The following PRR16 variants were observed in gnomAD, a reference collection of about 807,000 sequenced individuals.
The protein encoded by PRR16 is protein Largen.
Under a neutral mutation model 18.2 loss-of-function variants are expected in PRR16, and 6 were observed. The ratio of observed to expected loss-of-function variants is 0.33; its 90% CI spans 0.18 to 0.65. The LOEUF (loss-of-function observed/expected upper bound fraction) is 0.65, where lower values mean the gene tolerates loss of function less well. PRR16 is among the 30% of genes least tolerant of loss of function. PRR16 has a pLI of 0.74. For synonymous variants in PRR16, 151 were observed against 147.8 expected, an observed-to-expected ratio of 1.02 and a Z score of -0.16; for missense variants, 412 against 376.6, an observed-to-expected ratio of 1.09 and a Z score of -0.78.
rs1412567674 is a variant in PRR16, at chr5:120,464,485, G to T, written c.-2G>T. 2 of 1,586,206 alleles carry T rather than the reference G, an allele frequency of 1.3e-6. No homozygotes were observed. The highest frequency in any genetic ancestry group is 3.4e-5 in the Admixed American group (2 of 58,448). On this transcript the variant is annotated 5_prime_UTR_variant, in exon 1 of 2. Coordinates refer to ENST00000407149, the MANE Select transcript of PRR16 (RefSeq NM_001300783.2). The stretch of plus-strand genomic sequence containing the variant: ...CTGACCTGCCTCGCTTGCCCCCAAA[G>T]AATGTCAGCCAAGTCCAAGGGGAAC...
At chr5:120,730,635 A>C in the PRR16 span, among the ~76,000 whole-genome samples, 4 of 152,270 alleles carry the variant, frequency 2.6e-5, no homozygotes, top group Non-Finnish European at 5.9e-5. Flanking sequence ...AATGGTAAGC[A>C]GTGTAAAAAA....
chr5:120,601,575 C>T (rs1753983425), intron 1 of PRR16, among the ~76,000 whole-genome samples: 1 of 151,936 alleles, frequency 6.6e-6, no homozygotes, highest in Non-Finnish European at 1.5e-5. Context: ...TTCTTTAAGT[C>T]CCACTTACTA....
intron 1 of PRR16, among the ~76,000 whole-genome samples, chr5:120,673,306 G>A (rs1206684753): frequency 6.6e-6 from 1 of 152,196 alleles, no homozygotes; most frequent in Non-Finnish European, 1.5e-5. Flanking sequence ...TAGAAGTGGT[G>A]CATGATGATT....
At chr5:120,478,378 T>TCTA (rs760355896) in intron 1 of PRR16, among the ~76,000 whole-genome samples, 2 of 152,326 alleles carry the variant, frequency 1.3e-5, no homozygotes, top group South Asian at 4.1e-4. Flanking sequence ...GATTCCATAA[T>TCTA]CTACTAGTTT....
chr5:120,469,013 T>C (rs1749187714), intron 1 of PRR16, among the ~76,000 whole-genome samples: 1 of 152,212 alleles, frequency 6.6e-6, no homozygotes, highest in South Asian at 2.1e-4. Flanking sequence ...GTGAGAAGTA[T>C]GTCAGCATTG....
intron 1 of PRR16, among the ~76,000 whole-genome samples, chr5:120,570,422 T>C (rs1265432479): frequency 6.6e-6 from 1 of 152,096 alleles, no homozygotes; most frequent in Non-Finnish European, 1.5e-5. Context: ...CTGCACAGGT[T>C]GATATGTTGG....
chr5:120,720,307 T>TA, the PRR16 span, among the ~76,000 whole-genome samples: 1 of 152,050 alleles, frequency 6.6e-6, no homozygotes, highest in Non-Finnish European at 1.5e-5. Context: ...TTTGAATTTT[T>TA]ATTCTGCCAT....
At chr5:120,566,646 C>G (rs76241818) in intron 1 of PRR16, among the ~76,000 whole-genome samples, 3,210 of 152,232 alleles carry the variant, frequency 0.021, 133 homozygotes, top group African/African-American at 0.073. Context: ...AACGGAAACA[C>G]TTCTTGTTTT....
chr5:120,549,383 C>T (rs529606060), intron 1 of PRR16, among the ~76,000 whole-genome samples: 3 of 152,002 alleles, frequency 2.0e-5, no homozygotes, highest in Non-Finnish European at 4.4e-5. Context: ...AGGGCCCAGG[C>T]TCCTTTATTC....
chr5:120,487,726 A>C (rs986677105), intron 1 of PRR16, among the ~76,000 whole-genome samples: 1 of 152,126 alleles, frequency 6.6e-6, no homozygotes, highest in African/African-American at 2.4e-5. Flanking sequence ...GTCTTGTGCC[A>C]GTTTTCAAAG....
intron 1 of PRR16, among the ~76,000 whole-genome samples, chr5:120,550,666 G>C (rs566820021): frequency 3.3e-5 from 5 of 152,060 alleles, no homozygotes; most frequent in Admixed American, 1.3e-4. Context: ...AACACTAAGA[G>C]GATTAATTAA....
chr5:120,466,970 G>A (rs1193611049), intron 1 of PRR16, among the ~76,000 whole-genome samples: 3 of 151,910 alleles, frequency 2.0e-5, no homozygotes, highest in Non-Finnish European at 4.4e-5. Flanking sequence ...CCAAAACATC[G>A]GCTATTCATA....
the PRR16 span, among the ~76,000 whole-genome samples, chr5:120,720,564 A>G: frequency 3.3e-5 from 5 of 152,088 alleles, no homozygotes; most frequent in East Asian, 9.7e-4. Context: ...GGCTTTATCA[A>G]TTTATAGTAT....
chr5:120,717,395 CTTCA>C, the PRR16 span, among the ~76,000 whole-genome samples: 1 of 151,996 alleles, frequency 6.6e-6, no homozygotes, highest in East Asian at 1.9e-4. Flanking sequence ...TCTAGTTATC[CTTCA>C]TTATTTATTT....
intron 1 of PRR16, among the ~76,000 whole-genome samples, chr5:120,681,295 A>C (rs1756965894): frequency 6.6e-6 from 1 of 152,138 alleles, no homozygotes; most frequent in Non-Finnish European, 1.5e-5. Context: ...TGGAAGTGAT[A>C]ATTTTATATC....
intron 1 of PRR16, among the ~76,000 whole-genome samples, chr5:120,647,029 T>A (rs774490776): frequency 6.6e-5 from 10 of 151,950 alleles, no homozygotes; most frequent in Non-Finnish European, 1.5e-4. Flanking sequence ...TATTAAAAAA[T>A]GTTTAATATT....
chr5:120,679,412 T>C (rs1320422586), intron 1 of PRR16, among the ~76,000 whole-genome samples: 1 of 152,142 alleles, frequency 6.6e-6, no homozygotes, highest in East Asian at 1.9e-4. Context: ...ATGCCTGTGG[T>C]TACTATTTCT....
chr5:120,713,802 G>A, the PRR16 span, among the ~76,000 whole-genome samples: 1 of 152,140 alleles, frequency 6.6e-6, no homozygotes, highest in Non-Finnish European at 1.5e-5. Flanking sequence ...AACAATTTGA[G>A]CATTTAAATA....
the PRR16 span, among the ~76,000 whole-genome samples, chr5:120,770,008 GA>G: frequency 2.0e-5 from 3 of 151,754 alleles, no homozygotes; most frequent in East Asian, 5.8e-4. Flanking sequence ...TGTCTTCTTT[GA>G]AAAAAATGTC....
Sources: allele counts gnomAD v4.1 joint callset (sites outside exome capture counted in the v4.1 genomes callset), GRCh38; gene constraint gnomAD v4.1.1; transcripts MANE v1.5; gene names NCBI Gene and HGNC (gene_info 2026-07-23, HGNC 2026-07-21).